The following COL4A2 variants were observed in gnomAD, a reference collection of about 807,000 sequenced individuals.
COL4A2 encodes the protein collagen alpha-2(IV) chain.
A neutral mutation model predicts 200.2 loss-of-function variants in COL4A2; 99 were observed. That is an observed-to-expected ratio of 0.49 (90% CI 0.42 to 0.58). COL4A2 has a LOEUF of 0.58. COL4A2 is among the 20% of genes least tolerant of loss of function. COL4A2 has a pLI of 0.00. For synonymous variants in COL4A2, 897 were observed against 900.6 expected (o/e 1.00, Z 0.07); for missense variants, 1,950 against 2,314.1 (o/e 0.84, Z 3.23).
intron 3 of COL4A2, among the ~76,000 whole-genome samples, chr13:110,356,298 T>C (rs1456405730): frequency 6.6e-6 from 1 of 152,196 alleles, no homozygotes. Context: ...TTCCCGGCAT[T>C]CCTCCTCCTT....
intron 16 of COL4A2, among the ~76,000 whole-genome samples, chr13:110,441,343 T>G (rs528349486): frequency 6.6e-6 from 1 of 152,222 alleles, no homozygotes; most frequent in South Asian, 2.1e-4. Context: ...TGACCTCCAC[T>G]GGCTCTAGAC....
rs374437788 is a variant in COL4A2, at chr13:110,307,982, G to C, written c.44+35G>C. 3.7e-6 allele frequency: 6 copies of C among 1,612,002 alleles called. No homozygotes were observed. Among genetic ancestry groups the C allele is most frequent in the Non-Finnish European group, 5.1e-6 (6 of 1,179,252 alleles). On this transcript the variant is annotated intron_variant, in intron 2 of 47. Transcript: ENST00000360467. The surrounding 1 kb of genome is among the most constrained non-coding windows in gnomAD (Gnocchi z 5.0). ...TTTCTGCCTGGTCCCCGTGGGTCAC[G>C]CGCGCATGGACCCTTCGGTGTAACT...
intron 3 of COL4A2, among the ~76,000 whole-genome samples, chr13:110,318,023 G>C (rs575059314): frequency 6.6e-6 from 1 of 152,154 alleles, no homozygotes; most frequent in East Asian, 1.9e-4. Context: ...GTCCCCATGC[G>C]CCAACAGGAG....
intron 28 of COL4A2, among the ~76,000 whole-genome samples, chr13:110,470,902 G>A (rs539672527): frequency 5.3e-5 from 8 of 152,178 alleles, no homozygotes; most frequent in South Asian, 4.1e-4. Context: ...CATATGATGC[G>A]TTTCTCCATG....
Position 110,465,637 on chromosome 13 carries a change from C to G in COL4A2, c.1978+31C>G, listed in dbSNP as rs3825490. On this transcript the variant is annotated intron_variant, in intron 25 of 47. Transcript: ENST00000360467. ...AAGGAATCCTCCCTTTTACCTTTCA[C>G]AGTCCTGAGACATTCCACGCTTTCC... The G allele has an allele frequency of 2.6e-6, 4 of 1,553,498 alleles. No homozygotes were observed. The East Asian group carries it at 6.8e-5, about 26-fold the overall frequency.
intron 4 of COL4A2, among the ~76,000 whole-genome samples, chr13:110,378,936 G>A (rs1021791255): frequency 4.6e-5 from 7 of 152,178 alleles, no homozygotes; most frequent in Admixed American, 2.0e-4. Flanking sequence ...CAGAGCCTCC[G>A]TGTCCCACCT....
Position 110,500,597 on chromosome 13 carries a change from G to A in COL4A2, c.3761-1071G>A, listed in dbSNP as rs143732017. ...CCAGCCTTTGACCCAAAAACTGTTG[G>A]TTCTCATTATTCGCAGTAGTTATGT... On this transcript the variant is annotated intron_variant, in intron 40 of 47. Coordinates refer to ENST00000360467, the MANE Select transcript of COL4A2 (RefSeq NM_001846.4). Among the ~76,000 whole-genome samples the A allele has an allele frequency of 4.1e-3, 617 of 152,246 alleles. 1 individual carries two copies. The highest frequency in any genetic ancestry group is 0.014 in the African/African-American group (599 of 41,536).
At chr13:110,430,127 CTTATTT>C in intron 8 of COL4A2, 171 bp downstream of exon 8, 1 of 758,778 alleles carries the variant, frequency 1.3e-6, no homozygotes, top group Non-Finnish European at 1.9e-6. Flanking sequence ...TGTTTTCAAT[CTTATTT>C]TTAATTGTGT....
intron 14 of COL4A2, 44 bp from the exon 15 acceptor site, chr13:110,438,574 G>A (rs1880992332): frequency 3.7e-6 from 6 of 1,613,520 alleles, no homozygotes; most frequent in Non-Finnish European, 5.1e-6. Context: ...GGCTGGAGGG[G>A]CCGCCCCTGG....
intron 28 of COL4A2, among the ~76,000 whole-genome samples, chr13:110,469,788 C>T (rs979713532): frequency 5.3e-5 from 8 of 151,872 alleles, no homozygotes; most frequent in African/African-American, 9.7e-5. Context: ...TACCCACTTG[C>T]GTGTCAGCAT....
At chr13:110,453,064 C>A (rs1594224412) in intron 20 of COL4A2, among the ~76,000 whole-genome samples, 1 of 152,104 alleles carries the variant, frequency 6.6e-6, no homozygotes, top group East Asian at 1.9e-4. Flanking sequence ...CCACACCTGG[C>A]CTTTAATTTT....
chr13:110,446,441 C>T (rs751413702), intron 17 of COL4A2, among the ~76,000 whole-genome samples: 3 of 152,188 alleles, frequency 2.0e-5, no homozygotes, highest in Non-Finnish European at 4.4e-5. Context: ...GGGGGTCCTG[C>T]GGCCGCATCA....
chr13:110,424,262 T>C (rs1429776600), intron 4 of COL4A2, among the ~76,000 whole-genome samples: 7 of 127,388 alleles, frequency 5.5e-5, no homozygotes, highest in East Asian at 4.4e-4. Context: ...TCAGAAGCTC[T>C]TTTTTTTCCC....
chr13:110,316,405 G>A (rs1438354934), intron 3 of COL4A2, among the ~76,000 whole-genome samples: 3 of 152,172 alleles, frequency 2.0e-5, no homozygotes, highest in Non-Finnish European at 4.4e-5. Context: ...TGCAATCATT[G>A]CAAACTGTGT....
intron 4 of COL4A2, among the ~76,000 whole-genome samples, chr13:110,389,874 A>AAG (rs1439256907): frequency 1.3e-5 from 2 of 151,930 alleles, no homozygotes; most frequent in Non-Finnish European, 2.9e-5. Context: ...GCAAAAAAAA[A>AAG]AAAAGTTTAA....
chr13:110,501,607 T>C (rs901233496), intron 40 of COL4A2, 61 bp from the exon 41 acceptor site: 7 of 1,389,342 alleles, frequency 5.0e-6, no homozygotes, highest in African/African-American at 4.2e-5. Flanking sequence ...GGAGGGAAAA[T>C]AGTAGATTTG....
intron 46 of COL4A2, among the ~76,000 whole-genome samples, chr13:110,507,281 G>A (rs387298): frequency 0.68 from 103,857 of 151,938 alleles, 35,613 homozygotes; most frequent in Admixed American, 0.75. Context: ...TGTGCGCCCC[G>A]CCTCCACAAT....
intron 20 of COL4A2, among the ~76,000 whole-genome samples, chr13:110,453,559 T>G (rs1412493163): frequency 6.6e-6 from 1 of 152,242 alleles, no homozygotes; most frequent in Admixed American, 6.5e-5. Flanking sequence ...AGGCTAACGT[T>G]GCCATTATTC....
intron 4 of COL4A2, among the ~76,000 whole-genome samples, chr13:110,395,174 C>T (rs1228887369): frequency 6.6e-6 from 1 of 152,176 alleles, no homozygotes; most frequent in Admixed American, 6.5e-5. Flanking sequence ...TAGGTATTGC[C>T]AGCATTCCCC....
Sources: allele counts gnomAD v4.1 joint callset (sites outside exome capture counted in the v4.1 genomes callset), GRCh38; gene constraint gnomAD v4.1.1; non-coding constraint Gnocchi (gnomAD v3.1); transcripts MANE v1.5; gene names NCBI Gene and HGNC (gene_info 2026-07-23, HGNC 2026-07-21).